Variants in WIF1 observed in about 807,000 individuals in gnomAD.
The protein encoded by WIF1 is Wnt inhibitory factor 1.
Under a neutral mutation model 53.5 loss-of-function variants are expected in WIF1, and 35 were observed. That is an observed-to-expected ratio of 0.65 (90% CI 0.50 to 0.87). The LOEUF (loss-of-function observed/expected upper bound fraction) is 0.87. Among genes scored for constraint, WIF1 ranks in the 40% least tolerant of loss-of-function variants. WIF1 has a pLI of 0.00. For synonymous variants in WIF1, 171 were observed against 170.4 expected (o/e 1.00, Z -0.03); for missense variants, 467 against 476.8 (o/e 0.98, Z 0.19).
At chr12:65,069,305 G>A (rs528798869) in intron 3 of WIF1, among the ~76,000 whole-genome samples, 12 of 152,186 alleles carry the variant, frequency 7.9e-5, no homozygotes, top group Non-Finnish European at 1.5e-4. Flanking sequence ...CAGTTGATTC[G>A]GGGAAGAAAC....
chr12:65,120,488 C>G lies in WIF1; in HGVS notation c.217G>C (p.Ala73Pro). 1.2e-6 allele frequency: 2 copies of G among 1,614,136 alleles called. No homozygotes were observed. The highest frequency in any genetic ancestry group is 1.7e-6 in the Non-Finnish European group (2 of 1,180,020). The stretch of plus-strand genomic sequence containing the variant: ...GGAATAGCTGGCATTCTCTGTTGTG[C>G]TTTTCTGAAATCATGTGTAAAAGGT... ...MAPFTHDFRK[A>P]QQRMPAIPVN... The change falls in exon 2 of 10, where the codon GCA becomes CCA. Residue 73 changes from alanine to proline, a missense_variant. Transcript: ENST00000286574.
Position 65,077,799 on chromosome 12 carries a change from G to A in WIF1, c.344C>T (p.Ala115Val). Reference sequence around the variant, plus strand: ...CAGAGGGACATTGACGGTTGGATCTGCCATGATGCCTTTATCCAGGGAGCG... The same window carrying A: ...CAGAGGGACATTGACGGTTGGATCTACCATGATGCCTTTATCCAGGGAGCG... ...SLRSLDKGIM[A>V]DPTVNVPLLG... Residue 115 changes from alanine (A) to valine (V), a missense_variant, in exon 3 of 10, where the codon GCA (alanine) becomes GTA (valine). Ala to Val is a moderately conservative substitution (Grantham distance 64, BLOSUM62 0). Transcript: ENST00000286574. 2 of 1,613,890 alleles carry A rather than the reference G, an allele frequency of 1.2e-6. No individual in the cohort carries two copies. The highest frequency in any genetic ancestry group is 1.3e-5 in the African/African-American group (1 of 75,038).
intron 2 of WIF1, among the ~76,000 whole-genome samples, chr12:65,091,893 A>G (rs1217436127): frequency 6.6e-6 from 1 of 152,168 alleles, no homozygotes; most frequent in Non-Finnish European, 1.5e-5. Flanking sequence ...TCTAGGCACT[A>G]GGGATGCAGC....
intron 2 of WIF1, among the ~76,000 whole-genome samples, chr12:65,079,925 A>G (rs985888958): frequency 6.6e-6 from 1 of 152,194 alleles, no homozygotes; most frequent in Non-Finnish European, 1.5e-5. Context: ...TTACATTAAC[A>G]TGGGCTAGAA....
chr12:65,083,646 A>C (rs773382955), intron 2 of WIF1, among the ~76,000 whole-genome samples: 14 of 151,584 alleles, frequency 9.2e-5, no homozygotes, highest in South Asian at 2.1e-4. Context: ...CAAAGCACAG[A>C]CTCTTCTTGC....
intron 2 of WIF1, among the ~76,000 whole-genome samples, chr12:65,111,519 G>A (rs1365150588): frequency 6.6e-6 from 1 of 152,096 alleles, no homozygotes; most frequent in Non-Finnish European, 1.5e-5. Flanking sequence ...CTTGCCTCAA[G>A]CTGTTTCCTT....
intron 2 of WIF1, among the ~76,000 whole-genome samples, chr12:65,110,506 C>G (rs1565761038): frequency 6.6e-6 from 1 of 152,200 alleles, no homozygotes; most frequent in Non-Finnish European, 1.5e-5. Flanking sequence ...CCCCTCTGTG[C>G]TCCTAGAGCT....
At chr12:65,106,383 A>T (rs201527916) in intron 2 of WIF1, among the ~76,000 whole-genome samples, 40 of 111,438 alleles carry the variant, frequency 3.6e-4, no homozygotes, top group South Asian at 6.4e-4. Flanking sequence ...ATTTTTTTTT[A>T]TTTTTTTTGT....
rs1245839551 is a variant in WIF1 at position 65,066,638 on chromosome 12, T to C, written c.730+3A>G. 6.3e-7 allele frequency: 1 copy of C among 1,592,000 alleles called. No homozygotes were observed. On this transcript the variant is annotated splice_donor_region_variant and intron_variant, in intron 6 of 9. Coordinates refer to ENST00000286574, the MANE Select transcript of WIF1 (RefSeq NM_007191.5). ...AACTTTCTTCTTAAAAAGAAACTGT[T>C]ACCTTTGTCACAGTTCACTCCATAG... is the stretch of plus-strand genomic sequence containing the variant.
At chr12:65,097,144 C>A (rs183056606) in intron 2 of WIF1, among the ~76,000 whole-genome samples, 2 of 151,350 alleles carry the variant, frequency 1.3e-5, no homozygotes, top group Non-Finnish European at 2.9e-5. Context: ...GAAAACTGGG[C>A]CTCTTTTATT....
intron 6 of WIF1, among the ~76,000 whole-genome samples, chr12:65,062,990 A>G (rs758376646): frequency 1.3e-5 from 2 of 152,236 alleles, no homozygotes; most frequent in Non-Finnish European, 2.9e-5. Flanking sequence ...ATAAAAGAGA[A>G]GTCATAAATA....
chr12:65,054,835 A>G (rs1226601922), intron 9 of WIF1, among the ~76,000 whole-genome samples: 1 of 152,182 alleles, frequency 6.6e-6, no homozygotes, highest in Non-Finnish European at 1.5e-5. Flanking sequence ...TAGCCTAGAA[A>G]ATATTTGTGA....
At chr12:65,106,743 A>G (rs1310263677) in intron 2 of WIF1, among the ~76,000 whole-genome samples, 1 of 152,238 alleles carries the variant, frequency 6.6e-6, no homozygotes, top group Non-Finnish European at 1.5e-5. Context: ...CTTTGGAGAA[A>G]GATTGAGCTC....
At chr12:65,081,858 T>TA (rs558546121) in intron 2 of WIF1, among the ~76,000 whole-genome samples, 2,267 of 145,496 alleles carry the variant, frequency 0.016, 58 homozygotes, top group African/African-American at 0.053. Context: ...AGTTTTAAGA[T>TA]AAAAAAAAAA....
rs1380833201 is a variant in WIF1 at position 65,120,473 on chromosome 12, G to A, written c.232C>T (p.Pro78Ser). 6.2e-7 allele frequency: 1 copy of A among 1,614,136 alleles called. No homozygotes were observed. The change falls in exon 2 of 10, where the codon CCA becomes TCA. Residue 78 changes from proline (P) to serine (S), a missense_variant. Pro to Ser is a moderately conservative substitution (Grantham distance 74). Coordinates refer to ENST00000286574, the MANE Select transcript of WIF1 (RefSeq NM_007191.5). ...HDFRKAQQRMPAIPVNIHSMN... is the reference protein window; with the variant it reads ...HDFRKAQQRMSAIPVNIHSMN... ...GAATGGATATTGACAGGAATAGCTG[G>A]CATTCTCTGTTGTGCTTTTCTGAAA...
rs1212722882 is a variant in WIF1 at position 65,100,790 on chromosome 12, G to A, written c.288+19627C>T. ...AATCCCAGCGCTTTGGGAGGCTGAG[G>A]TAAAAGGATCACTTGAGCCCAGGAG... On this transcript the variant is annotated intron_variant, in intron 2 of 9. Coordinates refer to ENST00000286574, the MANE Select transcript of WIF1 (RefSeq NM_007191.5). Among the ~76,000 whole-genome samples the A allele has an allele frequency of 2.0e-5, 3 of 152,034 alleles. No individual in the cohort carries two copies. In the East Asian group the frequency reaches 5.8e-4, roughly 29 times the overall value.
In WIF1 at chr12:65,120,515, C is replaced by A. The variant is rs780668379; in HGVS notation, c.190G>T (p.Ala64Ser). The change falls in exon 2 of 10, where the codon GCA (alanine) becomes TCA (serine). Residue 64 changes from alanine (A) to serine (S), a missense_variant. Ala to Ser is a moderately conservative substitution (Grantham distance 99, BLOSUM62 1). Coordinates refer to ENST00000286574, the MANE Select transcript of WIF1 (RefSeq NM_007191.5). ...DILIVSEGKM[A>S]PFTHDFRKAQ... Reference sequence around the variant, plus strand: ...TTTCTGAAATCATGTGTAAAAGGTGCCATTTTCCCCTCTGAAACAATCAGG... The same window carrying A: ...TTTCTGAAATCATGTGTAAAAGGTGACATTTTCCCCTCTGAAACAATCAGG... 6 of 1,613,856 alleles carry A rather than the reference C, an allele frequency of 3.7e-6. No individual in the cohort carries two copies. In the African/African-American group the frequency reaches 8.0e-5, roughly 22 times the overall value.
rs761725314 is a variant in WIF1 at position 65,121,214 on chromosome 12, C to A, written c.-23G>T. The A allele has an allele frequency of 9.0e-6, 13 of 1,451,608 alleles. No homozygotes were observed. In the African/African-American group the frequency reaches 1.9e-4, roughly 21 times the overall value. 89.9% of individuals were successfully genotyped at this position (1,451,608 alleles called of 1,614,324 possible). A position where few individuals can be genotyped will look rare whatever the true frequency, so the allele number is the denominator to read the frequency against. On this transcript the variant is annotated 5_prime_UTR_variant, in exon 1 of 10. Coordinates refer to ENST00000286574, the MANE Select transcript of WIF1 (RefSeq NM_007191.5). Reference sequence around the variant, plus strand: ...CATGCTGCTCAGGACCTCCTCGCTGCCGGGAAAACTCCTCGTGCCGCACCT... The same window carrying A: ...CATGCTGCTCAGGACCTCCTCGCTGACGGGAAAACTCCTCGTGCCGCACCT...
intron 2 of WIF1, among the ~76,000 whole-genome samples, chr12:65,081,085 G>T (rs1882941577): frequency 6.6e-6 from 1 of 151,436 alleles, no homozygotes; most frequent in Non-Finnish European, 1.5e-5. Context: ...TTCTATATGT[G>T]AATTTATATC....
Sources: gnomAD v4.1 joint callset for allele counts (sites outside exome capture counted in the v4.1 genomes callset) on GRCh38, gnomAD v4.1.1 for gene constraint, MANE v1.5 for transcripts, NCBI Gene and HGNC (gene_info 2026-07-23, HGNC 2026-07-21) for gene names.